The following CDA variants were observed in gnomAD, a reference collection of about 807,000 sequenced individuals.
CDA encodes cytidine deaminase, also known as cytidine aminohydrolase.
In CDA, 7 loss-of-function variants were observed where a neutral mutation model predicts 15.0. The observed-to-expected ratio is 0.47, with a 90% CI of 0.26 to 0.87. The LOEUF (loss-of-function observed/expected upper bound fraction) is 0.87. Ranked by LOEUF, CDA falls within the 40% of genes least tolerant of loss-of-function variation. The pLI is 0.15. For synonymous variants in CDA, 58 were observed against 73.0 expected, an observed-to-expected ratio of 0.79 and a Z score of 1.05; for missense variants, 159 against 182.7, an observed-to-expected ratio of 0.87 and a Z score of 0.75.
intron 2 of CDA, among the ~76,000 whole-genome samples, chr1:20,607,933 A>T (rs1188339606): frequency 6.6e-6 from 1 of 152,192 alleles, no homozygotes; most frequent in Non-Finnish European, 1.5e-5. Context: ...CTTACTGCTC[A>T]CAGACAGATG....
chr1:20,596,352 C>A (rs1053180971), intron 1 of CDA, among the ~76,000 whole-genome samples: 2 of 152,104 alleles, frequency 1.3e-5, no homozygotes, highest in African/African-American at 4.8e-5. Context: ...GAACTGCAGC[C>A]TCAGCAGCTC....
rs2052841099 is a variant in CDA, at chr1:20,618,565, G to T, written c.438G>T (p.Gln146His). 2 of 1,579,764 alleles carry T rather than the reference G, an allele frequency of 1.3e-6. No homozygotes were observed. Among genetic ancestry groups the T allele is most frequent in the Non-Finnish European group, 1.7e-6 (2 of 1,148,820 alleles). ...SFGPEDLQKT[Q>H] is the part of the protein sequence containing the mutation. ...GGCCTGAGGACCTGCAGAAGACCCA[G>T]TGACAGCCAGAGAATGCCCACTGCC... is the stretch of plus-strand genomic sequence containing the variant. The change falls in exon 4 of 4, where the codon CAG becomes CAT. Residue 146 changes from glutamine to histidine, a missense_variant. Physicochemically the swap from Gln to His is conservative, Grantham distance 24. Coordinates refer to ENST00000375071, the MANE Select transcript of CDA (RefSeq NM_001785.3).
At chr1:20,616,797 C>T (rs865924042) in intron 3 of CDA, among the ~76,000 whole-genome samples, 7 of 152,072 alleles carry the variant, frequency 4.6e-5, no homozygotes, top group Middle Eastern at 3.2e-3. Flanking sequence ...CTGTACCTAC[C>T]CTTAGGCACA....
chr1:20,614,489 G>A (rs144278986), intron 3 of CDA, among the ~76,000 whole-genome samples: 215 of 152,298 alleles, frequency 1.4e-3, no homozygotes, highest in Non-Finnish European at 2.3e-3. Context: ...GAGCCATTAC[G>A]ACAAAGGCCA....
chr1:20,602,879 G>A (rs2052659337), intron 1 of CDA, among the ~76,000 whole-genome samples: 1 of 152,220 alleles, frequency 6.6e-6, no homozygotes, highest in African/African-American at 2.4e-5. Context: ...TGCCAACTCT[G>A]GCATTTTCCT....
chr1:20,596,829 C>G (rs1409383056), intron 1 of CDA, among the ~76,000 whole-genome samples: 2 of 146,854 alleles, frequency 1.4e-5, no homozygotes, highest in African/African-American at 5.0e-5. Flanking sequence ...GGCACAATCT[C>G]AGCTCACTGC....
intron 2 of CDA, 78 bp downstream of exon 2, chr1:20,605,117 ATTCATTCATCTGACATATGTTTAT>A: frequency 2.3e-6 from 2 of 888,810 alleles, no homozygotes; most frequent in East Asian, 5.1e-5. Flanking sequence ...TTATTCATTC[ATTCATTCATCTGACATATGTTTAT>A]TGTGGACTTC....
At chr1:20,592,821 G>T (rs976909628) in intron 1 of CDA, among the ~76,000 whole-genome samples, 2 of 152,208 alleles carry the variant, frequency 1.3e-5, no homozygotes, top group Non-Finnish European at 1.5e-5. Flanking sequence ...GGCTGGGTGC[G>T]GTGGCTCATG....
chr1:20,614,663 G>C (rs1219979951), intron 3 of CDA, among the ~76,000 whole-genome samples: 1 of 152,206 alleles, frequency 6.6e-6, no homozygotes, highest in Non-Finnish European at 1.5e-5. Context: ...CAAAAAAGGA[G>C]ATTCAGAACC....
chr1:20,589,389 G>A, intron 1 of CDA, 106 bp downstream of exon 1: 1 of 1,112,540 alleles, frequency 9.0e-7, no homozygotes, highest in Non-Finnish European at 1.3e-6. Context: ...CAAGAGCGCG[G>A]CTCTGTCCCT....
intron 3 of CDA, among the ~76,000 whole-genome samples, chr1:20,615,828 C>T (rs769074808): frequency 3.3e-5 from 5 of 152,082 alleles, no homozygotes; most frequent in African/African-American, 9.7e-5. Flanking sequence ...TAGTAAAACC[C>T]GGTCCCTTCA....
intron 2 of CDA, among the ~76,000 whole-genome samples, chr1:20,608,296 C>A (rs1345326095): frequency 6.7e-6 from 1 of 148,296 alleles, no homozygotes; most frequent in Non-Finnish European, 1.5e-5. Flanking sequence ...GGCTTCTCAT[C>A]TGTGAAATGG....
intron 2 of CDA, among the ~76,000 whole-genome samples, chr1:20,609,464 C>A (rs1026377695): frequency 6.6e-6 from 1 of 151,808 alleles, no homozygotes; most frequent in Admixed American, 6.6e-5. Flanking sequence ...CCAGCCTGGG[C>A]GACAGAGCGA....
intron 2 of CDA, among the ~76,000 whole-genome samples, chr1:20,612,527 A>G (rs977541017): frequency 2.0e-5 from 3 of 151,812 alleles, no homozygotes; most frequent in Admixed American, 6.6e-5. Context: ...CCACAAGAAA[A>G]CAACCCCCTT....
intron 1 of CDA, among the ~76,000 whole-genome samples, chr1:20,602,774 T>C (rs1037419716): frequency 1.3e-5 from 2 of 152,178 alleles, no homozygotes; most frequent in African/African-American, 4.8e-5. Context: ...TCCAATTCTA[T>C]CAAAAGTTGG....
In CDA at chr1:20,604,980, C is replaced by T. The variant is rs758106234; in HGVS notation, c.207C>T (p.Thr69=). The T allele has an allele frequency of 2.5e-5, 40 of 1,613,844 alleles. No individual in the cohort carries two copies. The highest frequency in any genetic ancestry group is 5.0e-5 in the Admixed American group (3 of 59,976). The change falls in exon 2 of 4, where the codon ACC becomes ACT. Residue 69 remains threonine (T), a synonymous_variant. Transcript: ENST00000375071. The part of the protein sequence containing the change: ...CYPLGICAER[T]AIQKAVSEGY... ...CGCTGGGCATCTGTGCTGAACGGACCGCTATCCAGAAGGCCGTCTCAGAAG... is the reference window on the plus strand; with the variant it reads ...CGCTGGGCATCTGTGCTGAACGGACTGCTATCCAGAAGGCCGTCTCAGAAG...
At chr1:20,616,463 T>A (rs500534) in intron 3 of CDA, among the ~76,000 whole-genome samples, 114,411 of 151,874 alleles carry the variant, frequency 0.75, 43,799 homozygotes, top group East Asian at 0.92. Context: ...TCCAAAAACA[T>A]ACCACCGGGA....
chr1:20,599,229 C>T (rs1252318770), intron 1 of CDA, among the ~76,000 whole-genome samples: 1 of 152,140 alleles, frequency 6.6e-6, no homozygotes, highest in Non-Finnish European at 1.5e-5. Flanking sequence ...GCTGGAAGGA[C>T]AACAGGTCTA....
At chr1:20,601,325 C>G (rs2052642009) in intron 1 of CDA, among the ~76,000 whole-genome samples, 1 of 152,338 alleles carries the variant, frequency 6.6e-6, no homozygotes, top group South Asian at 2.1e-4. Flanking sequence ...AGGTGTTCAT[C>G]TTTATGCCCA....
Sources: gnomAD v4.1 joint callset for allele counts (sites outside exome capture counted in the v4.1 genomes callset) on GRCh38, gnomAD v4.1.1 for gene constraint, MANE v1.5 for transcripts, NCBI Gene and HGNC (gene_info 2026-07-23, HGNC 2026-07-21) for gene names.